The following ANTXRL variants were observed in gnomAD, a reference collection of about 807,000 sequenced individuals.
ANTXRL encodes anthrax toxin receptor-like.
Under a neutral mutation model 75.4 loss-of-function variants are expected in ANTXRL, and 63 were observed. The ratio of observed to expected loss-of-function variants is 0.84; its 90% confidence interval spans 0.68 to 1.03. The LOEUF is 1.03. ANTXRL is among the 50% of genes least tolerant of loss of function. ANTXRL has a pLI of 0.00. For missense variants in ANTXRL, 797 were observed against 789.4 expected (o/e 1.01, Z -0.12); for synonymous variants, 335 against 291.3 (o/e 1.15, Z -1.53).
chr10:46,287,880 G>C (rs117143174), intron 1 of ANTXRL, among the ~76,000 whole-genome samples: 1 of 152,078 alleles, frequency 6.6e-6, no homozygotes, highest in Non-Finnish European at 1.5e-5. Flanking sequence ...GTGTTGTTTT[G>C]CTTGTTTGTT....
At chr10:46,288,319 A>G (rs538589652) in intron 1 of ANTXRL, among the ~76,000 whole-genome samples, 2 of 152,090 alleles carry the variant, frequency 1.3e-5, no homozygotes, top group Non-Finnish European at 1.5e-5. Flanking sequence ...CTGGGCTGTG[A>G]GTAGTACAGG....
At chr10:46,308,414 C>CCTCCCCTCCTCTCCA (rs1554962524) in intron 12 of ANTXRL, 5 of 336,328 alleles carry the variant, frequency 1.5e-5, no homozygotes, top group African/African-American at 4.8e-5. Flanking sequence ...CCTCCCCTCC[C>CCTCCCCTCCTCTCCA]CTCCCCTCCC....
chr10:46,302,528 C>T (rs1373043272), intron 9 of ANTXRL, among the ~76,000 whole-genome samples, 194 bp from the exon 10 acceptor site: 3 of 152,146 alleles, frequency 2.0e-5, no homozygotes, highest in African/African-American at 7.2e-5. Flanking sequence ...CCAGCTGCCT[C>T]CTCCTGGACC....
chr10:46,291,151 A>G (rs1836965121), intron 1 of ANTXRL, among the ~76,000 whole-genome samples: 1 of 152,194 alleles, frequency 6.6e-6, no homozygotes, highest in African/African-American at 2.4e-5. Flanking sequence ...GCACATAGAC[A>G]TCCAATTTTC....
intron 5 of ANTXRL, among the ~76,000 whole-genome samples, chr10:46,296,871 C>G (rs1554958893): frequency 6.6e-6 from 1 of 152,180 alleles, no homozygotes; most frequent in African/African-American, 2.4e-5. Context: ...CTGTCTGTTA[C>G]AGGAGGGCCC....
intron 14 of ANTXRL, 77 bp from the exon 15 acceptor site, chr10:46,311,433 C>CCT: frequency 7.0e-7 from 1 of 1,424,034 alleles, no homozygotes; most frequent in African/African-American, 1.5e-5. Flanking sequence ...CCTTTCATTC[C>CCT]CCAGACACAC....
chr10:46,304,343 G>A (rs1352368574), intron 10 of ANTXRL, among the ~76,000 whole-genome samples: 1 of 152,136 alleles, frequency 6.6e-6, no homozygotes, highest in Non-Finnish European at 1.5e-5. Flanking sequence ...GTGTGCCATA[G>A]TAATGTGCAT....
chr10:46,293,272 G>C (rs114942355), intron 2 of ANTXRL, among the ~76,000 whole-genome samples: 23,850 of 73,796 alleles, frequency 0.32, 1,727 homozygotes, highest in Non-Finnish European at 0.39. Context: ...ATACCTGTGC[G>C]TGTGTGAGAG....
At chr10:46,315,716 G>A (rs559327457) in intron 16 of ANTXRL, among the ~76,000 whole-genome samples, 8 of 152,292 alleles carry the variant, frequency 5.3e-5, no homozygotes, top group Admixed American at 1.3e-4. Flanking sequence ...ATGTGCTGTC[G>A]AATTTAGAGG....
At chr10:46,310,419 C>T (rs1554963135) in intron 13 of ANTXRL, 42 bp from the exon 14 acceptor site, 34 of 1,531,840 alleles carry the variant, frequency 2.2e-5, no homozygotes, top group Middle Eastern at 1.7e-4. Flanking sequence ...AGAGCCCGCC[C>T]ACCCCCATCC....
chr10:46,314,483 G>T (rs1171605021), intron 16 of ANTXRL, among the ~76,000 whole-genome samples: 1 of 152,030 alleles, frequency 6.6e-6, no homozygotes, highest in Non-Finnish European at 1.5e-5. Context: ...TGTGAAAACA[G>T]GCACCTCAAG....
rs1554957187 is a variant in ANTXRL, at chr10:46,293,302, G to GTGTGTGCGTGTGTGCC, written c.321-521_321-520insCGTGTGTGCCTGTGTG. 1.1e-3 allele frequency among the ~76,000 whole-genome samples: 62 copies of GTGTGTGCGTGTGTGCC among 55,532 alleles called. 1 individual carries two copies. The East Asian group carries it at 0.017, about 15-fold the overall frequency. The allele number at this position is 55,532 out of a possible 152,430, so 36.4% of individuals were successfully genotyped here. On this transcript the variant is annotated intron_variant, in intron 2 of 16. Transcript: ENST00000620264. Reference sequence around the variant, plus strand: ...TGAGAGTGTGTGCGTGTGTGCCTGTGTGTGTGTGCGTGTGTGCCTGTGTGT... The same window carrying GTGTGTGCGTGTGTGCC: ...TGAGAGTGTGTGCGTGTGTGCCTGTGTGTGTGCGTGTGTGCCTGTGTGTGCGTGTGTGCCTGTGTGT...
intron 5 of ANTXRL, 80 bp from the exon 6 acceptor site, chr10:46,297,172 C>A: frequency 1.7e-6 from 2 of 1,187,118 alleles, no homozygotes; most frequent in Non-Finnish European, 2.4e-6. Flanking sequence ...GTGGGCCCAG[C>A]CATCTGCAGG....
chr10:46,319,679 C>T (rs1838891168), intron 16 of ANTXRL, among the ~76,000 whole-genome samples: 1 of 152,050 alleles, frequency 6.6e-6, no homozygotes, highest in South Asian at 2.1e-4. Flanking sequence ...GTAACACAAG[C>T]ATGATAGCCT....
intron 3 of ANTXRL, among the ~76,000 whole-genome samples, chr10:46,294,913 C>G (rs542423807): frequency 6.6e-6 from 1 of 152,240 alleles, no homozygotes; most frequent in South Asian, 2.1e-4. Flanking sequence ...GGTCCATGCT[C>G]TGCTCAGCCT....
At chr10:46,299,636 G>A (rs1419016202) in intron 9 of ANTXRL, among the ~76,000 whole-genome samples, 5 of 152,152 alleles carry the variant, frequency 3.3e-5, no homozygotes, top group Non-Finnish European at 5.9e-5. Flanking sequence ...GTGTCCTGGC[G>A]GTAGGCTGTG....
intron 14 of ANTXRL, among the ~76,000 whole-genome samples, chr10:46,310,972 A>G (rs1309915592): frequency 1.3e-5 from 2 of 151,804 alleles, no homozygotes; most frequent in African/African-American, 2.4e-5. Context: ...GGGCTGAGGG[A>G]TGGGGGAGTC....
At chr10:46,308,975 C>T in intron 12 of ANTXRL, 138 bp from the exon 13 acceptor site, 23 of 1,227,780 alleles carry the variant, frequency 1.9e-5, no homozygotes, top group Non-Finnish European at 2.6e-5. Flanking sequence ...GGGGCCCAGC[C>T]CTGGCCGCTG....
chr10:46,301,342 A>G (rs1837730095), intron 9 of ANTXRL, among the ~76,000 whole-genome samples: 1 of 152,360 alleles, frequency 6.6e-6, no homozygotes, highest in Admixed American at 6.5e-5. Flanking sequence ...CTAGTTGCTC[A>G]GAACAGGGCA....
Sources: gnomAD v4.1 joint callset for allele counts (sites outside exome capture counted in the v4.1 genomes callset) on GRCh38, gnomAD v4.1.1 for gene constraint, MANE v1.5 for transcripts, NCBI Gene and HGNC (gene_info 2026-07-23, HGNC 2026-07-21) for gene names.